The following ERBB4 variants were observed in gnomAD, a reference collection of about 807,000 sequenced individuals.
ERBB4 encodes the protein receptor tyrosine-protein kinase erbB-4.
ERBB4 carries 42 observed loss-of-function variants against 158.0 expected under a neutral mutation model. The ratio of observed to expected loss-of-function variants is 0.27; its 90% CI spans 0.21 to 0.34. The LOEUF (loss-of-function observed/expected upper bound fraction) is 0.34. Ranked by LOEUF, ERBB4 falls within the 10% of genes least tolerant of loss-of-function variation. ERBB4 has a pLI of 1.00. For synonymous variants in ERBB4, 583 were observed against 558.7 expected, an observed-to-expected ratio of 1.04 and a Z score of -0.61; for missense variants, 1,333 against 1,624.1, an observed-to-expected ratio of 0.82 and a Z score of 3.08.
intron 19 of ERBB4, among the ~76,000 whole-genome samples, chr2:211,615,904 T>C (rs765245281): frequency 6.6e-5 from 10 of 152,238 alleles, no homozygotes; most frequent in South Asian, 4.1e-4. Flanking sequence ...ATTAATAAGA[T>C]TGTGCAATTT....
chr2:211,691,476 C>T (rs2072812750), intron 12 of ERBB4, among the ~76,000 whole-genome samples: 1 of 151,658 alleles, frequency 6.6e-6, no homozygotes, highest in African/African-American at 2.4e-5. Flanking sequence ...ATAACTGAAA[C>T]ATGAAATAGA....
intron 1 of ERBB4, among the ~76,000 whole-genome samples, chr2:212,211,176 C>T (rs1249076841): frequency 6.6e-6 from 1 of 152,104 alleles, no homozygotes; most frequent in Admixed American, 6.6e-5. Context: ...TCAAGGCTAC[C>T]ATCATCTAAT....
At chr2:211,456,178 C>T (rs1383639533) in intron 20 of ERBB4, among the ~76,000 whole-genome samples, 1 of 152,064 alleles carries the variant, frequency 6.6e-6, no homozygotes, top group African/African-American at 2.4e-5. Flanking sequence ...ACTAAGTGAT[C>T]CCGATAACTA....
At chr2:211,985,792 A>C (rs2081922772) in intron 2 of ERBB4, among the ~76,000 whole-genome samples, 3 of 152,242 alleles carry the variant, frequency 2.0e-5, no homozygotes, top group Admixed American at 2.0e-4. Context: ...AGTCATACTA[A>C]AAATCTTGCT....
intron 1 of ERBB4, among the ~76,000 whole-genome samples, chr2:212,452,653 T>C (rs1201738862): frequency 6.6e-6 from 1 of 152,076 alleles, no homozygotes; most frequent in African/African-American, 2.4e-5. Flanking sequence ...ACACAAACAA[T>C]ATGTATAAAA....
chr2:211,835,463 T>C (rs1010330009), intron 3 of ERBB4, among the ~76,000 whole-genome samples: 1 of 152,212 alleles, frequency 6.6e-6, no homozygotes, highest in South Asian at 2.1e-4. Context: ...TGGTTTAAAA[T>C]TTCTGTTGAC....
chr2:211,831,929 C>A (rs922066991), intron 3 of ERBB4, among the ~76,000 whole-genome samples: 2 of 152,008 alleles, frequency 1.3e-5, no homozygotes, highest in African/African-American at 4.8e-5. Flanking sequence ...AATGTCTTCA[C>A]TGTACTTTTA....
chr2:212,102,090 T>TTTTA (rs1553558604), intron 2 of ERBB4, among the ~76,000 whole-genome samples: 1 of 107,976 alleles, frequency 9.3e-6, no homozygotes, highest in Non-Finnish European at 2.1e-5. Flanking sequence ...AAAATTTATT[T>TTTTA]TATATATATA....
At chr2:211,691,362 G>T (rs1041469331) in intron 12 of ERBB4, among the ~76,000 whole-genome samples, 1 of 152,210 alleles carries the variant, frequency 6.6e-6, no homozygotes, top group East Asian at 1.9e-4. Flanking sequence ...CTCAATACAT[G>T]TACTCAAGAG....
At chr2:211,496,212 C>T (rs1316808097) in intron 20 of ERBB4, among the ~76,000 whole-genome samples, 1 of 151,904 alleles carries the variant, frequency 6.6e-6, no homozygotes, top group Non-Finnish European at 1.5e-5. Flanking sequence ...TATGTAGTCC[C>T]TCCCTATGTC....
At chr2:212,203,525 G>A (rs1174087892) in intron 1 of ERBB4, among the ~76,000 whole-genome samples, 1 of 152,144 alleles carries the variant, frequency 6.6e-6, no homozygotes, top group Non-Finnish European at 1.5e-5. Flanking sequence ...GGAAGGCACT[G>A]GGAAAGTTTT....
At chr2:212,202,838 A>G (rs904320038) in intron 1 of ERBB4, among the ~76,000 whole-genome samples, 67 of 152,206 alleles carry the variant, frequency 4.4e-4, no homozygotes, top group African/African-American at 1.6e-3. Context: ...ATAAATGACT[A>G]TTGAGAAGAA....
intron 19 of ERBB4, among the ~76,000 whole-genome samples, chr2:211,572,793 A>T (rs1037275158): frequency 2.6e-5 from 4 of 152,142 alleles, no homozygotes; most frequent in African/African-American, 9.7e-5. Context: ...TCCTACTGGG[A>T]TCCTTCTAAT....
chr2:211,963,469 G>T (rs1521535), intron 2 of ERBB4, among the ~76,000 whole-genome samples: 32,997 of 151,872 alleles, frequency 0.22, 3,807 homozygotes, highest in East Asian at 0.39. Flanking sequence ...CATAAAATAT[G>T]TATACATTAT....
chr2:211,383,996 T>A lies in ERBB4; in HGVS notation c.3546A>T (p.Ala1182=). 2 of 1,614,110 alleles carry A rather than the reference T, an allele frequency of 1.2e-6. No individual in the cohort carries two copies. Among genetic ancestry groups the A allele is most frequent in the Non-Finnish European group, 1.7e-6 (2 of 1,179,996 alleles). Residue 1182 remains alanine, a synonymous_variant, in exon 28 of 28, where the codon GCA becomes GCT. Coordinates refer to ENST00000342788, the MANE Select transcript of ERBB4 (RefSeq NM_005235.3). ...CATTGTGATATTCGGGATTATCCAA[T>A]GCTTGAAGGTCTCCATTTTTTCTCC... The part of the protein sequence containing the change: ...VSRRKNGDLQ[A]LDNPEYHNAS...
intron 1 of ERBB4, among the ~76,000 whole-genome samples, chr2:212,398,216 T>C (rs146823864): frequency 1.1e-4 from 16 of 152,176 alleles, no homozygotes; most frequent in East Asian, 9.6e-4. Context: ...TAAAGCTATA[T>C]AGTAAAATAT....
chr2:212,450,201 G>A (rs547243018), intron 1 of ERBB4, among the ~76,000 whole-genome samples: 15 of 152,264 alleles, frequency 9.9e-5, no homozygotes, highest in Non-Finnish European at 2.1e-4. Context: ...GAAAAAGTAT[G>A]ACTATATCAA....
chr2:211,695,151 C>T (rs1040665139), intron 12 of ERBB4, among the ~76,000 whole-genome samples: 1 of 152,062 alleles, frequency 6.6e-6, no homozygotes, highest in African/African-American at 2.4e-5. Context: ...TTTTATTCTC[C>T]ACTGTGTGAT....
Position 212,231,958 on chromosome 2 carries a change from T to C in ERBB4, c.83-107055A>G, listed in dbSNP as rs141220898. Among the ~76,000 whole-genome samples, 1,177 of 152,308 alleles carry C rather than the reference T, an allele frequency of 7.7e-3. 9 individuals carry two copies. The highest frequency in any genetic ancestry group is 0.026 in the African/African-American group (1,093 of 41,566). On this transcript the variant is annotated intron_variant, in intron 1 of 27. Transcript: ENST00000342788. ...AATCTGAAGCTTTTACTTATTGTTT[T>C]TATGACCCTGAATGATCTTAGACAT...
Sources: allele counts gnomAD v4.1 joint callset (sites outside exome capture counted in the v4.1 genomes callset), GRCh38; gene constraint gnomAD v4.1.1; transcripts MANE v1.5; gene names NCBI Gene and HGNC (gene_info 2026-07-23, HGNC 2026-07-21).